PRKACB: variants seen among roughly 807,000 people sequenced by gnomAD.
PRKACB encodes the protein protein kinase cAMP-activated catalytic subunit beta, also known as cAMP-dependent protein kinase catalytic subunit beta.
Under a neutral mutation model 51.4 loss-of-function variants are expected in PRKACB, and 16 were observed. The ratio of observed to expected loss-of-function variants is 0.31; its 90% CI spans 0.21 to 0.47. The LOEUF (loss-of-function observed/expected upper bound fraction) is 0.47, where lower values mean the gene tolerates loss of function less well. Ranked by LOEUF, PRKACB falls within the 20% of genes least tolerant of loss-of-function variation. The pLI is 1.00. For synonymous variants in PRKACB, 147 were observed against 154.4 expected (o/e 0.95, Z 0.35); for missense variants, 309 against 464.5 (o/e 0.67, Z 3.08).
chr1:84,082,451 A>C (rs1647616112), intron 1 of PRKACB, among the ~76,000 whole-genome samples: 1 of 152,184 alleles, frequency 6.6e-6, no homozygotes, highest in African/African-American at 2.4e-5. Context: ...AAATTAAACC[A>C]CATAAAACTA....
intron 8 of PRKACB, among the ~76,000 whole-genome samples, chr1:84,213,239 G>A (rs1672393736): frequency 6.6e-6 from 1 of 152,142 alleles, no homozygotes; most frequent in South Asian, 2.1e-4. Context: ...GGAAAGGATA[G>A]TGGAGAGGTG....
At chr1:84,097,335 A>G (rs1318964568) in intron 1 of PRKACB, among the ~76,000 whole-genome samples, 2 of 152,014 alleles carry the variant, frequency 1.3e-5, no homozygotes, top group African/African-American at 4.8e-5. Context: ...AGTAGATACT[A>G]TCAAACTGTT....
At chr1:84,164,654 G>T in intron 1 of PRKACB, 1 of 1,397,356 alleles carries the variant, frequency 7.2e-7, no homozygotes, top group East Asian at 2.6e-5. Context: ...TGATATAATT[G>T]AGAACATCTT....
chr1:84,145,284 C>T (rs976435021), intron 1 of PRKACB, among the ~76,000 whole-genome samples: 5 of 152,006 alleles, frequency 3.3e-5, no homozygotes, highest in Admixed American at 6.6e-5. Flanking sequence ...ATACTAGTGC[C>T]GCCATTCTAC....
chr1:84,101,230 T>C (rs1297305788), intron 1 of PRKACB, among the ~76,000 whole-genome samples: 2 of 152,210 alleles, frequency 1.3e-5, no homozygotes, highest in African/African-American at 2.4e-5. Context: ...AGCTGTACTT[T>C]ACAGGCTGAG....
intron 3 of PRKACB, 76 bp downstream of exon 3, chr1:84,182,404 TA>T (rs1221875337): frequency 8.6e-7 from 1 of 1,168,094 alleles, no homozygotes; most frequent in Middle Eastern, 2.5e-4. Flanking sequence ...AGATTCAGTA[TA>T]ATGACTTACC....
chr1:84,159,462 T>C (rs914942445), intron 1 of PRKACB, among the ~76,000 whole-genome samples: 2 of 152,140 alleles, frequency 1.3e-5, no homozygotes, highest in African/African-American at 4.8e-5. Context: ...TATATCATCC[T>C]ATGATGTTGC....
chr1:84,183,911 T>A, intron 3 of PRKACB, 126 bp from the exon 4 acceptor site: 1 of 1,018,978 alleles, frequency 9.8e-7, no homozygotes, highest in Non-Finnish European at 1.3e-6. Flanking sequence ...ATTGTTATTA[T>A]CTTCCTTATC....
chr1:84,213,841 G>T (rs1285223171), intron 8 of PRKACB, among the ~76,000 whole-genome samples: 2 of 152,124 alleles, frequency 1.3e-5, no homozygotes, highest in Admixed American at 1.3e-4. Flanking sequence ...CTTAAAGATA[G>T]GTGAACTTTC....
chr1:84,170,644 A>G (rs965598367), intron 1 of PRKACB, among the ~76,000 whole-genome samples: 3 of 151,652 alleles, frequency 2.0e-5, no homozygotes, highest in Non-Finnish European at 4.4e-5. Flanking sequence ...TGTGTTCACA[A>G]TCCAAAAACA....
At chr1:84,181,516 C>T (rs890239743) in intron 2 of PRKACB, 12 of 447,398 alleles carry the variant, frequency 2.7e-5, no homozygotes, top group Non-Finnish European at 4.1e-5. Context: ...AACATCTATT[C>T]AAGAAAAAAA....
chr1:84,175,724 A>T (rs760827671), intron 1 of PRKACB: 66 of 1,372,774 alleles, frequency 4.8e-5, no homozygotes, highest in Non-Finnish European at 6.4e-5. Context: ...ATGCATAAAA[A>T]TTGTCTCTCT....
At chr1:84,102,637 A>G (rs983592740) in intron 1 of PRKACB, among the ~76,000 whole-genome samples, 2 of 152,178 alleles carry the variant, frequency 1.3e-5, no homozygotes, top group African/African-American at 4.8e-5. Flanking sequence ...ATTAATGTTG[A>G]TTGAAAGGGT....
chr1:84,125,412 C>T (rs147727142), intron 1 of PRKACB, among the ~76,000 whole-genome samples: 46 of 152,258 alleles, frequency 3.0e-4, no homozygotes, highest in Middle Eastern at 3.4e-3. Context: ...TTTTTTAGAT[C>T]GGGCCCACCT....
chr1:84,182,243 G>A lies in PRKACB; in HGVS notation c.293G>A (p.Gly98Glu). 6.3e-7 allele frequency: 1 copy of A among 1,597,934 alleles called. No individual in the cohort carries two copies. The highest frequency in any genetic ancestry group is 8.5e-7 in the Non-Finnish European group (1 of 1,170,160). ...GATTTTGAAAGGAAAAAAACCCTTG[G>A]AACAGGTTCATTTGGAAGAGTCATG... ...LEDFERKKTL[G>E]TGSFGRVMLV... is the part of the protein sequence containing the mutation. Residue 98 changes from glycine (G) to glutamate (E), a missense_variant, in exon 3 of 10, where the codon GGA becomes GAA. Transcript: ENST00000370685.
rs573989463 is a variant in PRKACB at position 84,203,438 on chromosome 1, C to T, written c.906+633C>T. On this transcript the variant is annotated intron_variant, in intron 8 of 9. Coordinates refer to ENST00000370685, the MANE Select transcript of PRKACB (RefSeq NM_182948.4). Reference sequence around the variant, plus strand: ...AACCTTCCTTCTTTTGCACTTATAACCTCTAATTTGCTTTCAAGAGTGTTT... The same window carrying T: ...AACCTTCCTTCTTTTGCACTTATAATCTCTAATTTGCTTTCAAGAGTGTTT... Among the ~76,000 whole-genome samples the T allele has an allele frequency of 1.1e-4, 16 of 151,972 alleles. No individual in the cohort carries two copies. The South Asian group carries it at 3.1e-3, about 30-fold the overall frequency.
chr1:84,200,020 A>AT (rs1390170807), intron 7 of PRKACB, among the ~76,000 whole-genome samples: 1 of 151,440 alleles, frequency 6.6e-6, no homozygotes. Context: ...TAATTTTTGT[A>AT]TTTTTTAGTA....
intron 1 of PRKACB, among the ~76,000 whole-genome samples, chr1:84,151,420 A>T (rs1419589509): frequency 6.6e-6 from 1 of 152,150 alleles, no homozygotes; most frequent in African/African-American, 2.4e-5. Context: ...GAAGGTTGGG[A>T]TGGCAGTGGC....
chr1:84,193,738 G>C (rs1667446977), intron 5 of PRKACB, among the ~76,000 whole-genome samples: 1 of 152,278 alleles, frequency 6.6e-6, no homozygotes, highest in East Asian at 1.9e-4. Context: ...TGGAGCAGGT[G>C]CTGGGTGCTC....
Sources: gnomAD v4.1 joint callset for allele counts (sites outside exome capture counted in the v4.1 genomes callset) on GRCh38, gnomAD v4.1.1 for gene constraint, MANE v1.5 for transcripts, NCBI Gene and HGNC (gene_info 2026-07-23, HGNC 2026-07-21) for gene names.